NECAB1: variants seen among roughly 807,000 people sequenced by gnomAD.
NECAB1 encodes N-terminal EF-hand calcium binding protein 1, also known as N-terminal EF-hand calcium-binding protein 1.
NECAB1 carries 29 observed loss-of-function variants against 57.5 expected under a neutral mutation model. The ratio of observed to expected loss-of-function variants is 0.50; its 90% confidence interval spans 0.38 to 0.69. The LOEUF is 0.69. Among genes scored for constraint, NECAB1 ranks in the 30% least tolerant of loss-of-function variants. The pLI, the probability that NECAB1 is intolerant of heterozygous loss-of-function variation, is 0.00. For missense variants in NECAB1, 372 were observed against 413.8 expected, an observed-to-expected ratio of 0.90 and a Z score of 0.88; for synonymous variants, 142 against 147.7, an observed-to-expected ratio of 0.96 and a Z score of 0.28.
chr8:90,796,471 T>A (rs1248276249), intron 1 of NECAB1, among the ~76,000 whole-genome samples: 1 of 152,246 alleles, frequency 6.6e-6, no homozygotes, highest in Non-Finnish European at 1.5e-5. Context: ...AAATTATGAT[T>A]GTGTCCATCT....
At chr8:90,937,280 G>C (rs755899806) in intron 9 of NECAB1, among the ~76,000 whole-genome samples, 8 of 152,158 alleles carry the variant, frequency 5.3e-5, no homozygotes, top group Non-Finnish European at 8.8e-5. Context: ...TGGAAATAAA[G>C]TGGTGAATAT....
intron 3 of NECAB1, among the ~76,000 whole-genome samples, chr8:90,867,937 A>C (rs1380715016): frequency 6.6e-6 from 1 of 152,186 alleles, no homozygotes; most frequent in African/African-American, 2.4e-5. Flanking sequence ...ATGTTGAATT[A>C]TAATCCCCAA....
At chr8:90,869,210 T>G (rs969951822) in intron 3 of NECAB1, among the ~76,000 whole-genome samples, 1 of 152,208 alleles carries the variant, frequency 6.6e-6, no homozygotes, top group South Asian at 2.1e-4. Flanking sequence ...TGCCTGGATA[T>G]CCACTCAGAA....
intron 4 of NECAB1, among the ~76,000 whole-genome samples, chr8:90,879,426 C>T (rs1007114055): frequency 1.4e-4 from 22 of 151,876 alleles, no homozygotes; most frequent in East Asian, 1.9e-4. Flanking sequence ...TGAGATTATA[C>T]GCACGAGCCT....
intron 2 of NECAB1, among the ~76,000 whole-genome samples, chr8:90,819,368 G>A (rs1279032184): frequency 6.6e-6 from 1 of 151,896 alleles, no homozygotes; most frequent in South Asian, 2.1e-4. Context: ...GTGAATTTTT[G>A]TGTGTGTGAA....
Position 90,959,257 on chromosome 8 carries a change from C to A in NECAB1, c.*3745C>A. ...TATTAAATTGTATTCCAAACCTGTTCTTCTGTTTCTGTGGCACCTAGGTTT... is the reference window on the plus strand; with the variant it reads ...TATTAAATTGTATTCCAAACCTGTTATTCTGTTTCTGTGGCACCTAGGTTT... On this transcript the variant is annotated 3_prime_UTR_variant, in exon 13 of 13. Transcript: ENST00000417640. 1 of 262,334 alleles carries A rather than the reference C, an allele frequency of 3.8e-6. No homozygotes were observed. The highest frequency in any genetic ancestry group is 7.1e-6 in the Non-Finnish European group (1 of 140,194). 16.3% of individuals were successfully genotyped at this position (262,334 alleles called of 1,614,324 possible).
Position 90,954,493 on chromosome 8 carries a change from G to C in NECAB1, c.1031-994G>C, listed in dbSNP as rs540043407. On this transcript the variant is annotated intron_variant, in intron 12 of 12. Coordinates refer to ENST00000417640, the MANE Select transcript of NECAB1 (RefSeq NM_022351.5). ...ATAACAGAAAAACCTACGGTTATGG[G>C]AAAACAGGATACAAAAAAAAAGATC... 2.6e-5 allele frequency among the ~76,000 whole-genome samples: 4 copies of C among 151,874 alleles called. No homozygotes were observed. The East Asian group carries it at 7.7e-4, about 29-fold the overall frequency.
At chr8:90,879,670 G>A (rs1419011328) in intron 4 of NECAB1, among the ~76,000 whole-genome samples, 1 of 152,060 alleles carries the variant, frequency 6.6e-6, no homozygotes, top group East Asian at 1.9e-4. Flanking sequence ...ACTGCTCGCT[G>A]GTTGATGAAG....
intron 5 of NECAB1, among the ~76,000 whole-genome samples, chr8:90,890,268 C>T (rs1459764530): frequency 3.9e-5 from 6 of 152,098 alleles, no homozygotes; most frequent in Non-Finnish European, 7.4e-5. Context: ...GTGAATGTGT[C>T]TCACGAGATC....
intron 9 of NECAB1, 35 bp from the exon 10 acceptor site, chr8:90,940,751 A>C (rs1810648621): frequency 6.7e-7 from 1 of 1,503,180 alleles, no homozygotes; most frequent in South Asian, 1.2e-5. Context: ...GCTCCGTGAC[A>C]GCCAACGCAG....
intron 3 of NECAB1, chr8:90,825,148 T>TA (rs1348318852): frequency 5.0e-5 from 8 of 161,160 alleles, no homozygotes; most frequent in Non-Finnish European, 1.1e-4. Context: ...CCTTGTTATT[T>TA]AGGCTTAATC....
At chr8:90,803,010 C>A (rs1449062685) in intron 2 of NECAB1, among the ~76,000 whole-genome samples, 1 of 152,088 alleles carries the variant, frequency 6.6e-6, no homozygotes. Context: ...AATTCTCCTG[C>A]CTCAGCCTCC....
At chr8:90,908,569 C>T (rs369055957) in intron 5 of NECAB1, among the ~76,000 whole-genome samples, 7 of 152,156 alleles carry the variant, frequency 4.6e-5, no homozygotes, top group African/African-American at 1.4e-4. Flanking sequence ...GTCTACTCCA[C>T]AGCTCCTCAA....
Position 90,957,781 on chromosome 8 carries a change from A to T in NECAB1, c.*2269A>T, listed in dbSNP as rs1005230037. ...AACAATAAGTTTATAGTTAACGAAGATTTTTTTCTATTTAAAACCCCATTT... is the reference window on the plus strand; with the variant it reads ...AACAATAAGTTTATAGTTAACGAAGTTTTTTTTCTATTTAAAACCCCATTT... On this transcript the variant is annotated 3_prime_UTR_variant, in exon 13 of 13. Transcript: ENST00000417640. The T allele has an allele frequency of 6.6e-6, 1 of 150,768 alleles. No individual in the cohort carries two copies. Among genetic ancestry groups the T allele is most frequent in the African/African-American group, 2.4e-5 (1 of 41,446 alleles). 9.3% of individuals were successfully genotyped at this position (150,768 alleles called of 1,614,324 possible).
At chr8:90,854,888 A>C (rs543096620) in intron 3 of NECAB1, among the ~76,000 whole-genome samples, 1 of 152,286 alleles carries the variant, frequency 6.6e-6, no homozygotes, top group Non-Finnish European at 1.5e-5. Flanking sequence ...GGGACACCCT[A>C]ATTGGGATCT....
chr8:90,937,438 C>T (rs1810563320), intron 9 of NECAB1, among the ~76,000 whole-genome samples: 1 of 152,002 alleles, frequency 6.6e-6, no homozygotes, highest in South Asian at 2.1e-4. Flanking sequence ...TGACATAATA[C>T]TTAAGATGAA....
chr8:90,933,988 G>C (rs529768134), intron 8 of NECAB1, among the ~76,000 whole-genome samples: 1 of 151,848 alleles, frequency 6.6e-6, no homozygotes, highest in East Asian at 1.9e-4. Flanking sequence ...CTTTTCTTTC[G>C]TTTACCTTCC....
intron 3 of NECAB1, chr8:90,859,028 C>T (rs946361089): frequency 8.5e-5 from 13 of 152,122 alleles, no homozygotes; most frequent in Non-Finnish European, 1.8e-4. Flanking sequence ...GGAGTAGCTC[C>T]CACTGTCTAG....
intron 3 of NECAB1, among the ~76,000 whole-genome samples, chr8:90,834,559 T>C (rs1812340627): frequency 6.6e-6 from 1 of 152,188 alleles, no homozygotes; most frequent in South Asian, 2.1e-4. Context: ...GGTGTCTTAA[T>C]CTTCGACTTA....
Sources: gnomAD v4.1 joint callset for allele counts (sites outside exome capture counted in the v4.1 genomes callset) on GRCh38, gnomAD v4.1.1 for gene constraint, MANE v1.5 for transcripts, NCBI Gene and HGNC (gene_info 2026-07-23, HGNC 2026-07-21) for gene names.